The following SPATA16 variants were observed in gnomAD, a reference collection of about 807,000 sequenced individuals.
SPATA16 encodes the protein spermatogenesis-associated protein 16.
A neutral mutation model predicts 63.3 loss-of-function variants in SPATA16; 36 were observed. The observed-to-expected ratio is 0.57, with a 90% confidence interval of 0.44 to 0.75. The LOEUF is 0.75. Among genes scored for constraint, SPATA16 ranks in the 30% least tolerant of loss-of-function variants. SPATA16 has a pLI of 0.00. For synonymous variants in SPATA16, 203 were observed against 216.7 expected, an observed-to-expected ratio of 0.94 and a Z score of 0.56; for missense variants, 646 against 679.3, an observed-to-expected ratio of 0.95 and a Z score of 0.54.
intron 2 of SPATA16, among the ~76,000 whole-genome samples, chr3:173,100,645 C>A (rs903983154): frequency 1.4e-5 from 2 of 147,384 alleles, no homozygotes; most frequent in Non-Finnish European, 1.5e-5. Flanking sequence ...ATTAAAAGCA[C>A]AGATCACATA....
At chr3:173,108,899 A>G (rs985288982) in intron 2 of SPATA16, among the ~76,000 whole-genome samples, 6 of 152,160 alleles carry the variant, frequency 3.9e-5, no homozygotes, top group Admixed American at 6.5e-5. Context: ...TGACTATGCC[A>G]TCTACGCTAG....
chr3:172,906,962 C>T (rs529422508), intron 10 of SPATA16, among the ~76,000 whole-genome samples: 21 of 152,194 alleles, frequency 1.4e-4, no homozygotes, highest in African/African-American at 5.1e-4. Context: ...CCAGGATGTA[C>T]ATTATACTTT....
chr3:173,012,921 G>T (rs1452844677), intron 4 of SPATA16, among the ~76,000 whole-genome samples: 2 of 152,060 alleles, frequency 1.3e-5, no homozygotes, highest in Admixed American at 6.6e-5. Context: ...GACAAGGAGG[G>T]CCTAATTAAA....
chr3:173,089,589 C>G (rs1737171759), intron 2 of SPATA16, among the ~76,000 whole-genome samples: 1 of 152,076 alleles, frequency 6.6e-6, no homozygotes, highest in Non-Finnish European at 1.5e-5. Flanking sequence ...AAAAGGGGAG[C>G]CTGTGACTTG....
At chr3:173,088,071 T>TG (rs1560118956) in intron 2 of SPATA16, among the ~76,000 whole-genome samples, 3 of 136,446 alleles carry the variant, frequency 2.2e-5, no homozygotes, top group Non-Finnish European at 4.7e-5. Context: ...TCTTTCTTTC[T>TG]TTCTTTCTGT....
At chr3:173,048,320 A>G (rs1736002154) in intron 3 of SPATA16, among the ~76,000 whole-genome samples, 1 of 152,080 alleles carries the variant, frequency 6.6e-6, no homozygotes, top group African/African-American at 2.4e-5. Flanking sequence ...CCATGAGAGA[A>G]AGACCCCTAA....
At chr3:172,895,006 AT>A (rs1731979260) in intron 10 of SPATA16, among the ~76,000 whole-genome samples, 1 of 151,532 alleles carries the variant, frequency 6.6e-6, no homozygotes, top group Non-Finnish European at 1.5e-5. Context: ...TTAAAAAAAA[AT>A]TAATTTTGGT....
intron 4 of SPATA16, among the ~76,000 whole-genome samples, chr3:172,996,529 G>A (rs753545234): frequency 4.6e-5 from 7 of 152,032 alleles, no homozygotes; most frequent in Non-Finnish European, 1.0e-4. Flanking sequence ...GCAAAATTGA[G>A]TGGAAAGTAC....
chr3:173,003,038 C>T (rs1444288262), intron 4 of SPATA16, among the ~76,000 whole-genome samples: 2 of 151,900 alleles, frequency 1.3e-5, no homozygotes, highest in Non-Finnish European at 1.5e-5. Context: ...CATAAAGAAA[C>T]CTGATTATAT....
rs527542893 is a variant in SPATA16, at chr3:173,086,765, T to G, written c.612+30355A>C. On this transcript the variant is annotated intron_variant, in intron 2 of 10. Coordinates refer to ENST00000351008, the MANE Select transcript of SPATA16 (RefSeq NM_031955.6). ...TTGTTCTCATTAGTTTCAAAGAAAT[T>G]CTTAATTTCTGCCTTAATTTCATTA... Among the ~76,000 whole-genome samples, 7 of 152,256 alleles carry G rather than the reference T, an allele frequency of 4.6e-5. No individual in the cohort carries two copies. In the East Asian group the frequency reaches 1.4e-3, roughly 29 times the overall value.
intron 5 of SPATA16, among the ~76,000 whole-genome samples, chr3:172,966,292 G>A (rs751701252): frequency 4.6e-5 from 7 of 152,270 alleles, no homozygotes; most frequent in East Asian, 3.9e-4. Flanking sequence ...TTATATGAAC[G>A]TTACAGCAGG....
At chr3:172,969,991 G>A (rs1734011758) in intron 5 of SPATA16, among the ~76,000 whole-genome samples, 1 of 152,192 alleles carries the variant, frequency 6.6e-6, no homozygotes, top group South Asian at 2.1e-4. Context: ...TTGGAGGTAA[G>A]CCAAGCCCAG....
At chr3:173,081,760 T>C (rs1736930059) in intron 2 of SPATA16, among the ~76,000 whole-genome samples, 1 of 152,186 alleles carries the variant, frequency 6.6e-6, no homozygotes, top group Non-Finnish European at 1.5e-5. Flanking sequence ...CAAAATGAAC[T>C]GGTTAGAAAT....
intron 2 of SPATA16, among the ~76,000 whole-genome samples, chr3:173,075,337 A>T (rs560007939): frequency 6.6e-6 from 1 of 152,204 alleles, no homozygotes; most frequent in Admixed American, 6.5e-5. Flanking sequence ...GTGAGAATGT[A>T]AATTAGTAAA....
At chr3:173,060,863 A>G (rs1736362481) in intron 2 of SPATA16, among the ~76,000 whole-genome samples, 1 of 152,196 alleles carries the variant, frequency 6.6e-6, no homozygotes, top group African/African-American at 2.4e-5. Flanking sequence ...TTTTGGAAAT[A>G]TGGTTTCCGG....
At chr3:172,989,641 G>A (rs1434645677) in intron 4 of SPATA16, among the ~76,000 whole-genome samples, 1 of 152,200 alleles carries the variant, frequency 6.6e-6, no homozygotes, top group Non-Finnish European at 1.5e-5. Context: ...GGAGTTGTCA[G>A]AAGGAGTAAA....
At chr3:172,982,243 A>G (rs1345743558) in intron 4 of SPATA16, among the ~76,000 whole-genome samples, 1 of 152,222 alleles carries the variant, frequency 6.6e-6, no homozygotes. Flanking sequence ...CTCACTGTCC[A>G]TATTTAAGAG....
chr3:172,960,508 T>G (rs1370975103), intron 5 of SPATA16, among the ~76,000 whole-genome samples: 1 of 152,034 alleles, frequency 6.6e-6, no homozygotes. Flanking sequence ...AAGCCAAGAG[T>G]GTAAGTGGGC....
Position 173,051,136 on chromosome 3 carries a change from G to A in SPATA16, c.613-2042C>T, listed in dbSNP as rs183078979. ...CACAAATAAATAGAAAACAAAATTA[G>A]TAGTAATTATGTAGTTTTATTTATC... is the stretch of plus-strand genomic sequence containing the variant. On this transcript the variant is annotated intron_variant, in intron 2 of 10. Coordinates refer to ENST00000351008, the MANE Select transcript of SPATA16 (RefSeq NM_031955.6). Among the ~76,000 whole-genome samples, 8 of 152,180 alleles carry A rather than the reference G, an allele frequency of 5.3e-5. No homozygotes were observed. In the East Asian group the frequency reaches 1.5e-3, roughly 29 times the overall value.
Sources: gnomAD v4.1 joint callset for allele counts (sites outside exome capture counted in the v4.1 genomes callset) on GRCh38, gnomAD v4.1.1 for gene constraint, MANE v1.5 for transcripts, NCBI Gene and HGNC (gene_info 2026-07-23, HGNC 2026-07-21) for gene names.